The following CACNA1C variants were observed in gnomAD, a reference collection of about 807,000 sequenced individuals.
CACNA1C encodes the protein calcium voltage-gated channel subunit alpha1 C.
In CACNA1C, 30 loss-of-function variants were observed where a neutral mutation model predicts 229.0. That is an observed-to-expected ratio of 0.13 (90% CI 0.10 to 0.18). The LOEUF (loss-of-function observed/expected upper bound fraction) is 0.18. CACNA1C is among the 10% of genes least tolerant of loss of function. The pLI is 1.00. For missense variants in CACNA1C, 1,658 were observed against 2,845.0 expected, an observed-to-expected ratio of 0.58 and a Z score of 9.49; for synonymous variants, 1,114 against 1,132.5, an observed-to-expected ratio of 0.98 and a Z score of 0.33.
At chr12:2,671,575 A>AT (rs1197256808) in intron 38 of CACNA1C, among the ~76,000 whole-genome samples, 1 of 152,174 alleles carries the variant, frequency 6.6e-6, no homozygotes, top group Non-Finnish European at 1.5e-5. Flanking sequence ...AGGATGTGAG[A>AT]TTTTGTTCCC....
chr12:2,360,156 A>ACCC (rs796441635), intron 3 of CACNA1C, among the ~76,000 whole-genome samples: 16 of 57,072 alleles, frequency 2.8e-4, no homozygotes, highest in East Asian at 1.4e-3. Context: ...AACACACCCC[A>ACCC]CCCCCCCCCA....
At chr12:2,357,050 C>T (rs2097389726) in intron 3 of CACNA1C, among the ~76,000 whole-genome samples, 1 of 152,218 alleles carries the variant, frequency 6.6e-6, no homozygotes, top group African/African-American at 2.4e-5. Context: ...CCTGCTTTGC[C>T]TGGGTGTTTT....
intron 1 of CACNA1C, among the ~76,000 whole-genome samples, chr12:2,114,298 C>G (rs11831198): frequency 0.022 from 3,279 of 152,236 alleles, 108 homozygotes; most frequent in African/African-American, 0.074. Context: ...CATGGCAGCT[C>G]AGGGCTGAAA....
intron 10 of CACNA1C, among the ~76,000 whole-genome samples, chr12:2,552,497 G>A (rs1195509112): frequency 6.6e-6 from 1 of 152,222 alleles, no homozygotes; most frequent in African/African-American, 2.4e-5. Context: ...AACCGTTTGG[G>A]TCTGCATCAG....
chr12:2,187,038 C>T (rs531394953), intron 3 of CACNA1C, among the ~76,000 whole-genome samples: 2 of 148,688 alleles, frequency 1.3e-5, no homozygotes, highest in African/African-American at 5.2e-5. Context: ...CTGCCCCCAT[C>T]CCTCGGTGCT....
chr12:2,392,694 C>T (rs1289919087), intron 3 of CACNA1C, among the ~76,000 whole-genome samples: 1 of 152,160 alleles, frequency 6.6e-6, no homozygotes, highest in Non-Finnish European at 1.5e-5. Flanking sequence ...ACAGCGGGAC[C>T]TGAACTTGGG....
At chr12:2,382,151 C>T (rs951882850) in intron 3 of CACNA1C, among the ~76,000 whole-genome samples, 14 of 152,232 alleles carry the variant, frequency 9.2e-5, no homozygotes, top group Admixed American at 3.9e-4. Context: ...AAATTTCTCA[C>T]GGTATTCCTT....
intron 3 of CACNA1C, among the ~76,000 whole-genome samples, chr12:2,360,880 A>C (rs572707289): frequency 2.4e-4 from 37 of 151,940 alleles, no homozygotes; most frequent in Non-Finnish European, 5.0e-4. Context: ...GTTGGGAAGG[A>C]TGAGGAAAAA....
At chr12:2,583,444 C>G (rs1387637124) in intron 15 of CACNA1C, among the ~76,000 whole-genome samples, 10 of 152,190 alleles carry the variant, frequency 6.6e-5, no homozygotes, top group Admixed American at 5.9e-4. Context: ...CAAACAGCCC[C>G]AAAAGCTCCT....
In CACNA1C at chr12:2,534,626, T is replaced by C. The variant is rs894227389; in HGVS notation, c.1391-15317T>C. 3.9e-5 allele frequency among the ~76,000 whole-genome samples: 6 copies of C among 152,304 alleles called. No homozygotes were observed. In the East Asian group the frequency reaches 9.6e-4, roughly 24 times the overall value. On this transcript the variant is annotated intron_variant, in intron 9 of 46. Coordinates refer to ENST00000399655, the MANE Select transcript of CACNA1C (RefSeq NM_000719.7). ...CCCTGCAGCAAATGCTTATCCAGGC[T>C]TTGCCTGGAAACTTCTACTAATGAG...
At chr12:2,230,914 C>G (rs2064907495) in intron 3 of CACNA1C, among the ~76,000 whole-genome samples, 1 of 152,170 alleles carries the variant, frequency 6.6e-6, no homozygotes, top group South Asian at 2.1e-4. Flanking sequence ...GGACTTGGCC[C>G]AAAGACCCTT....
In CACNA1C at chr12:2,580,584, T is replaced by C. The variant is rs1466974916; in HGVS notation, c.1896-1006T>C. Among the ~76,000 whole-genome samples the C allele has an allele frequency of 3.3e-5, 5 of 152,248 alleles. No individual in the cohort carries two copies. In the East Asian group the frequency reaches 7.7e-4, roughly 23 times the overall value. ...CCTTTTGCCATGGTGCACTTCCTGG[T>C]CCTGAGCTGACCCTCACACAGGTGC... On this transcript the variant is annotated intron_variant, in intron 13 of 46. Transcript: ENST00000399655.
chr12:2,209,284 G>T (rs979457680), intron 3 of CACNA1C, among the ~76,000 whole-genome samples: 1 of 152,136 alleles, frequency 6.6e-6, no homozygotes. Flanking sequence ...AACCAGTATG[G>T]TCTGAAAGAA....
At chr12:2,437,627 G>T (rs1411815505) in intron 3 of CACNA1C, among the ~76,000 whole-genome samples, 2 of 152,194 alleles carry the variant, frequency 1.3e-5, no homozygotes, top group Admixed American at 6.5e-5. Flanking sequence ...AGCTATGGTG[G>T]AGGTGATGAT....
intron 5 of CACNA1C, among the ~76,000 whole-genome samples, chr12:2,460,848 C>T (rs1005491632): frequency 2.0e-5 from 3 of 152,214 alleles, no homozygotes; most frequent in African/African-American, 7.2e-5. Flanking sequence ...GGCTCTTCCT[C>T]AGCTCATCCA....
chr12:2,641,257 T>C (rs562482211), intron 30 of CACNA1C, among the ~76,000 whole-genome samples: 1 of 152,296 alleles, frequency 6.6e-6, no homozygotes, highest in South Asian at 2.1e-4. Context: ...CTTGAGGATA[T>C]ACAAATTTTC....
intron 3 of CACNA1C, among the ~76,000 whole-genome samples, chr12:2,440,913 G>A (rs913835551): frequency 5.9e-5 from 9 of 152,196 alleles, no homozygotes; most frequent in Middle Eastern, 3.2e-3. Flanking sequence ...TATTTGTGGC[G>A]TGCTGGATGA....
chr12:2,524,250 C>G (rs1437150058), intron 9 of CACNA1C, among the ~76,000 whole-genome samples: 1 of 152,194 alleles, frequency 6.6e-6, no homozygotes, highest in African/African-American at 2.4e-5. Context: ...GACATGGGCA[C>G]ATTAACACAC....
intron 1 of CACNA1C, among the ~76,000 whole-genome samples, chr12:2,085,511 C>T (rs1408062799): frequency 2.0e-5 from 3 of 152,156 alleles, no homozygotes; most frequent in Non-Finnish European, 4.4e-5. Flanking sequence ...TACCTGGAAG[C>T]CATTCTCAGT....
Sources: allele counts gnomAD v4.1 joint callset (sites outside exome capture counted in the v4.1 genomes callset), GRCh38; gene constraint gnomAD v4.1.1; transcripts MANE v1.5; gene names NCBI Gene and HGNC (gene_info 2026-07-23, HGNC 2026-07-21).